Variants in IL1RAPL2 observed in about 807,000 individuals in gnomAD.
IL1RAPL2 encodes interleukin 1 receptor accessory protein like 2, also known as X-linked interleukin-1 receptor accessory protein-like 2.
A neutral mutation model predicts 44.1 loss-of-function variants in IL1RAPL2; 3 were observed. That is an observed-to-expected ratio of 0.07 (90% CI 0.03 to 0.18). The LOEUF is 0.18. Ranked by LOEUF, IL1RAPL2 falls within the 10% of genes least tolerant of loss-of-function variation. The pLI is 1.00. For synonymous variants in IL1RAPL2, 181 were observed against 178.8 expected, an observed-to-expected ratio of 1.01 and a Z score of -0.10; for missense variants, 391 against 496.4, an observed-to-expected ratio of 0.79 and a Z score of 2.02.
chrX:104,644,196 A>G (rs191603507), intron 1 of IL1RAPL2, among the ~76,000 whole-genome samples: 1 of 112,162 alleles, frequency 8.9e-6, no homozygotes, highest in African/African-American at 3.2e-5. Context: ...ATGCAAATAA[A>G]GAATATTAGA....
At chrX:104,874,279 C>CCTCCCTCTCTCTCT (rs1922845416) in intron 2 of IL1RAPL2, among the ~76,000 whole-genome samples, 1 of 76,321 alleles carries the variant, frequency 1.3e-5, no homozygotes, top group Admixed American at 1.5e-4. Context: ...TGTCTGTATT[C>CCTCCCTCTCTCTCT]CTCTCTCTCT....
In IL1RAPL2 at chrX:105,740,535, C is replaced by G; in HGVS notation, c.903-11C>G. The G allele has an allele frequency of 8.3e-7, 1 of 1,207,629 alleles. No individual in the cohort carries two copies. Among genetic ancestry groups the G allele is most frequent in the Non-Finnish European group, 1.1e-6 (1 of 893,159 alleles). On this transcript the variant is annotated splice_polypyrimidine_tract_variant and intron_variant, in intron 7 of 10. Coordinates refer to ENST00000372582, the MANE Select transcript of IL1RAPL2 (RefSeq NM_017416.2). ...AAGCCAATTCAGCCAAGAATACCGTCTTTATTTCAGGCTTCTCAAAGAGCA... is the reference window on the plus strand; with the variant it reads ...AAGCCAATTCAGCCAAGAATACCGTGTTTATTTCAGGCTTCTCAAAGAGCA...
chrX:104,729,951 A>G (rs1211292721), intron 2 of IL1RAPL2, among the ~76,000 whole-genome samples: 1 of 111,480 alleles, frequency 9.0e-6, no homozygotes, highest in Non-Finnish European at 1.9e-5. Flanking sequence ...ATTGAAAATA[A>G]ATGAATAAAA....
intron 2 of IL1RAPL2, among the ~76,000 whole-genome samples, chrX:104,818,868 C>T (rs943133997): frequency 2.7e-5 from 3 of 111,591 alleles, no homozygotes. Flanking sequence ...ATCCAGAGTA[C>T]AATAGAGGGG....
chrX:105,680,637 C>T (rs931343543), intron 6 of IL1RAPL2, among the ~76,000 whole-genome samples: 49 of 111,550 alleles, frequency 4.4e-4, no homozygotes, highest in African/African-American at 1.5e-3. Flanking sequence ...TAAAAATGTT[C>T]GATAAGAGTT....
At chrX:105,508,324 A>G (rs924558845) in intron 6 of IL1RAPL2, among the ~76,000 whole-genome samples, 2 of 111,615 alleles carry the variant, frequency 1.8e-5, no homozygotes, top group African/African-American at 6.5e-5. Context: ...TTAAGAGATC[A>G]TATTGCTAAA....
chrX:105,634,200 A>T (rs1297335370), intron 6 of IL1RAPL2, among the ~76,000 whole-genome samples: 1 of 111,303 alleles, frequency 9.0e-6, no homozygotes, highest in East Asian at 2.8e-4. Context: ...AAAGAGAAAG[A>T]TAAGTGATAG....
intron 5 of IL1RAPL2, among the ~76,000 whole-genome samples, chrX:105,483,839 G>T (rs1217947485): frequency 9.0e-6 from 1 of 111,284 alleles, no homozygotes; most frequent in Non-Finnish European, 1.9e-5. Context: ...TCCCAATGAA[G>T]ATATCATTGC....
intron 6 of IL1RAPL2, among the ~76,000 whole-genome samples, chrX:105,679,589 T>TATC (rs754353691): frequency 8.9e-6 from 1 of 112,090 alleles, no homozygotes; most frequent in South Asian, 3.8e-4. Flanking sequence ...AGAATTTATA[T>TATC]ATCAGTTACC....
At chrX:104,931,785 G>A (rs919650240) in intron 2 of IL1RAPL2, among the ~76,000 whole-genome samples, 21 of 110,128 alleles carry the variant, frequency 1.9e-4, no homozygotes, top group Non-Finnish European at 2.7e-4. Context: ...ATATAGACAT[G>A]CTTTCATTGG....
At chrX:105,487,777 G>A (rs755421632) in intron 6 of IL1RAPL2, among the ~76,000 whole-genome samples, 2 of 111,959 alleles carry the variant, frequency 1.8e-5, no homozygotes, top group Non-Finnish European at 3.8e-5. Context: ...GAGCTCCTCC[G>A]TGTGAGTGGG....
At chrX:105,267,834 G>A (rs1048013040) in intron 5 of IL1RAPL2, among the ~76,000 whole-genome samples, 46 of 111,759 alleles carry the variant, frequency 4.1e-4, no homozygotes, top group African/African-American at 1.4e-3. Context: ...AAAATATATA[G>A]TGGAGCCAAT....
intron 6 of IL1RAPL2, among the ~76,000 whole-genome samples, chrX:105,549,227 A>G (rs2036832142): frequency 8.9e-6 from 1 of 112,393 alleles, no homozygotes; most frequent in Non-Finnish European, 1.9e-5. Flanking sequence ...AATGACTGGA[A>G]TATTTTTATC....
intron 2 of IL1RAPL2, among the ~76,000 whole-genome samples, chrX:104,904,911 T>A (rs1277243335): frequency 9.0e-6 from 1 of 111,248 alleles, no homozygotes; most frequent in Admixed American, 9.5e-5. Flanking sequence ...TAGTTTACAC[T>A]CCCACCAACA....
chrX:105,026,830 A>G (rs1026060328), intron 2 of IL1RAPL2, among the ~76,000 whole-genome samples: 4 of 101,199 alleles, frequency 4.0e-5, no homozygotes, highest in African/African-American at 1.1e-4. Context: ...ACAGAAATAG[A>G]AAAAAAATCC....
Position 105,579,450 on chromosome X carries a change from G to A in IL1RAPL2, c.772+95063G>A, listed in dbSNP as rs2037073029. Among the ~76,000 whole-genome samples the A allele has an allele frequency of 3.6e-5, 4 of 111,249 alleles. No homozygotes were observed. The South Asian group carries it at 1.5e-3, about 42-fold the overall frequency. On this transcript the variant is annotated intron_variant, in intron 6 of 10. Transcript: ENST00000372582. Reference sequence around the variant, plus strand: ...CAAGCTGTGCTCTACCATGGGTTCAGTAATCTGTATTTAGTGATCACTGAT... The same window carrying A: ...CAAGCTGTGCTCTACCATGGGTTCAATAATCTGTATTTAGTGATCACTGAT...
intron 7 of IL1RAPL2, among the ~76,000 whole-genome samples, chrX:105,739,041 G>C (rs1225538057): frequency 9.0e-6 from 1 of 111,000 alleles, no homozygotes; most frequent in African/African-American, 3.3e-5. Context: ...CTAATGTATG[G>C]AGATAGAAGG....
At chrX:105,366,682 T>C (rs1335739496) in intron 5 of IL1RAPL2, among the ~76,000 whole-genome samples, 2 of 112,005 alleles carry the variant, frequency 1.8e-5, no homozygotes, top group Non-Finnish European at 3.8e-5. Flanking sequence ...TCTAGTTTTA[T>C]GCCATTGTAG....
intron 2 of IL1RAPL2, among the ~76,000 whole-genome samples, chrX:105,005,395 C>A (rs1418789393): frequency 9.0e-6 from 1 of 111,371 alleles, no homozygotes; most frequent in Non-Finnish European, 1.9e-5. Flanking sequence ...GGACCAACAA[C>A]GTGGGCATCA....
Sources: gnomAD v4.1 joint callset for allele counts (sites outside exome capture counted in the v4.1 genomes callset) on GRCh38, gnomAD v4.1.1 for gene constraint, MANE v1.5 for transcripts, NCBI Gene and HGNC (gene_info 2026-07-23, HGNC 2026-07-21) for gene names.